EPS8L2: variants seen among roughly 807,000 people sequenced by gnomAD.
EPS8L2 encodes the protein EPS8 signaling adaptor L2.
EPS8L2 carries 81 observed loss-of-function variants against 99.4 expected under a neutral mutation model. The ratio of observed to expected loss-of-function variants is 0.82; its 90% CI spans 0.68 to 0.98. The LOEUF is 0.98. Ranked by LOEUF, EPS8L2 falls within the 50% of genes least tolerant of loss-of-function variation. The pLI, the probability that EPS8L2 is intolerant of heterozygous loss-of-function variation, is 0.00. For synonymous variants in EPS8L2, 509 were observed against 407.3 expected, an observed-to-expected ratio of 1.25 and a Z score of -3.01; for missense variants, 1,155 against 968.8, an observed-to-expected ratio of 1.19 and a Z score of -2.55.
Position 720,633 on chromosome 11 carries a change from C to T in EPS8L2, c.364C>T (p.Arg122Cys). ...AGACTTCCCGCTGCCCACGGTGCAGCGCAGCCAGACGGTCCTCAACCAGCT... is the reference window on the plus strand; with the variant it reads ...AGACTTCCCGCTGCCCACGGTGCAGTGCAGCCAGACGGTCCTCAACCAGCT... ...LEDFPLPTVQ[R>C]SQTVLNQLRY... Residue 122 changes from arginine to cysteine, a missense_variant, in exon 6 of 21, where the codon CGC becomes TGC. By Grantham distance (180) the Arg-to-Cys change is radical (BLOSUM62 -3). Transcript: ENST00000318562. 1.3e-6 allele frequency: 2 copies of T among 1,599,180 alleles called. No homozygotes were observed. Among genetic ancestry groups the T allele is most frequent in the East Asian group, 2.3e-5 (1 of 44,308 alleles).
intron 4 of EPS8L2, among the ~76,000 whole-genome samples, chr11:719,502 C>T (rs373095545): frequency 1.3e-5 from 2 of 152,214 alleles, no homozygotes; most frequent in Admixed American, 6.5e-5. Context: ...CAGGGATGGA[C>T]GCATCCCGCA....
chr11:719,912 TC>T, intron 4 of EPS8L2, 149 bp from the exon 5 acceptor site: 1 of 641,534 alleles, frequency 1.6e-6, no homozygotes, highest in Non-Finnish European at 2.7e-6. Flanking sequence ...GAATAGAGAC[TC>T]CCCCCACCAA....
chr11:709,083 G>C (rs1564968350), intron 1 of EPS8L2: 1 of 450,642 alleles, frequency 2.2e-6, no homozygotes, highest in Non-Finnish European at 4.0e-6. Context: ...CCTTGTCAGA[G>C]CCTCCCAGTC....
intron 4 of EPS8L2, among the ~76,000 whole-genome samples, chr11:711,253 CGTGT>C (rs71951923): frequency 0.29 from 41,411 of 144,026 alleles, 5,964 homozygotes; most frequent in Admixed American, 0.35. Flanking sequence ...TGCGTGTGTG[CGTGT>C]GTGCGTGCGT....
intron 8 of EPS8L2, 34 bp from the exon 9 acceptor site, chr11:721,251 G>A: frequency 5.2e-6 from 8 of 1,538,626 alleles, no homozygotes; most frequent in Non-Finnish European, 7.0e-6. Context: ...TCGTTGTGGG[G>A]GGCTCGGTGA....
chr11:720,151 G>A lies in EPS8L2; in HGVS notation c.255G>A (p.Glu85=). ...IRKLVQLSSK[E]KIWTQEMLLQ... ...AGCTGGTGCAGCTGAGCTCCAAGGA[G>A]AAGATCTGGACCCAGGAGATGCTGC... Residue 85 remains glutamate (E), a synonymous_variant, in exon 5 of 21, where the codon GAG becomes GAA. Coordinates refer to ENST00000318562, the MANE Select transcript of EPS8L2 (RefSeq NM_022772.4). 1.2e-6 allele frequency: 2 copies of A among 1,613,472 alleles called. No homozygotes were observed. Among genetic ancestry groups the A allele is most frequent in the Non-Finnish European group, 1.7e-6 (2 of 1,179,946 alleles).
chr11:721,012 G>A (rs935030375), intron 7 of EPS8L2, 52 bp from the exon 8 acceptor site: 1 of 1,496,558 alleles, frequency 6.7e-7, no homozygotes, highest in Non-Finnish European at 8.9e-7. Flanking sequence ...GGCAGGGAGG[G>A]AGGGTCAGGT....
chr11:719,381 G>A (rs887552269), intron 4 of EPS8L2, among the ~76,000 whole-genome samples: 3 of 152,248 alleles, frequency 2.0e-5, no homozygotes, highest in African/African-American at 7.2e-5. Context: ...CTTCGTGGGA[G>A]GGTTTTACTT....
intron 17 of EPS8L2, 88 bp from the exon 18 acceptor site, chr11:726,010 G>A: frequency 7.5e-7 from 1 of 1,328,118 alleles, no homozygotes; most frequent in Non-Finnish European, 1.0e-6. Context: ...CGGGGCTGTA[G>A]GGGGATTGGC....
rs544336226 is a variant in EPS8L2 at position 724,265 on chromosome 11, A to G, written c.1455-459A>G. Among the ~76,000 whole-genome samples, 5 of 152,124 alleles carry G rather than the reference A, an allele frequency of 3.3e-5. No homozygotes were observed. The South Asian group carries it at 1.0e-3, about 32-fold the overall frequency. ...GCTTTTGAGGTGCAGGTCCCACCCC[A>G]CAGAGAGGAGCTTGAGACCCGTCCT... On this transcript the variant is annotated intron_variant, in intron 15 of 20. Transcript: ENST00000318562. The surrounding 1 kb of genome is among the most constrained non-coding windows in gnomAD (Gnocchi z 5.5).
In EPS8L2 at chr11:723,286, A is replaced by G; in HGVS notation, c.1387A>G (p.Ser463Gly). The change falls in exon 15 of 21, where the codon AGC (serine) becomes GGC (glycine). Residue 463 changes from serine to glycine, a missense_variant. Physicochemically the swap from Ser to Gly is moderately conservative, Grantham distance 56 (BLOSUM62 0). Transcript: ENST00000318562. Reference sequence around the variant, plus strand: ...GTCCATAAGAAACTCCCAGAAGCACAGCCCCACTTCAGAGCCCACCCCCCC... The same window carrying G: ...GTCCATAAGAAACTCCCAGAAGCACGGCCCCACTTCAGAGCCCACCCCCCC... ...RQSIRNSQKH[S>G]PTSEPTPPGD... 2 of 1,606,200 alleles carry G rather than the reference A, an allele frequency of 1.2e-6. No individual in the cohort carries two copies. Among genetic ancestry groups the G allele is most frequent in the South Asian group, 2.2e-5 (2 of 90,026 alleles).
At chr11:714,304 A>C (rs1861962241) in intron 4 of EPS8L2, among the ~76,000 whole-genome samples, 1 of 148,780 alleles carries the variant, frequency 6.7e-6, no homozygotes. Flanking sequence ...ATCTTGGTTC[A>C]CTGCAACCTC....
intron 4 of EPS8L2, among the ~76,000 whole-genome samples, chr11:714,081 G>A (rs753567653): frequency 3.9e-5 from 6 of 152,142 alleles, no homozygotes; most frequent in Non-Finnish European, 5.9e-5. Context: ...ATGTCCATTC[G>A]TATGTGTTTT....
rs12283031 is a variant in EPS8L2, at chr11:709,567, G to A, written c.59G>A (p.Arg20Gln). 38,424 of 1,607,100 alleles carry A rather than the reference G, an allele frequency of 0.024. 599 individuals are homozygous for A. The highest frequency in any genetic ancestry group is 0.056 in the African/African-American group (4,177 of 74,684). ...CPGATNGSLG[R>Q]SDGVAKMSPK... ...CTCCCCTGCAGTGGCAGCCTGGGCCGGTCCGACGGTGTGGCCAAGATGAGC... is the reference window on the plus strand; with the variant it reads ...CTCCCCTGCAGTGGCAGCCTGGGCCAGTCCGACGGTGTGGCCAAGATGAGC... Residue 20 changes from arginine (R) to glutamine (Q), a missense_variant, in exon 3 of 21, where the codon CGG (arginine) becomes CAG (glutamine). Arg to Gln is a conservative substitution (Grantham distance 43). Transcript: ENST00000318562.
intron 4 of EPS8L2, among the ~76,000 whole-genome samples, chr11:719,814 T>C (rs1862109068): frequency 6.6e-6 from 1 of 152,040 alleles, no homozygotes; most frequent in Admixed American, 6.5e-5. Flanking sequence ...CGGGTGAGGA[T>C]GGTGGCGCGG....
chr11:715,045 A>C (rs746091345), intron 4 of EPS8L2, among the ~76,000 whole-genome samples: 1 of 152,116 alleles, frequency 6.6e-6, no homozygotes, highest in African/African-American at 2.4e-5. Context: ...GATCAAGACC[A>C]TTCTGGCTAA....
chr11:713,329 G>T (rs1861936944), intron 4 of EPS8L2, among the ~76,000 whole-genome samples: 1 of 152,214 alleles, frequency 6.6e-6, no homozygotes, highest in African/African-American at 2.4e-5. Flanking sequence ...CCCCGACCTT[G>T]GTGGCTACCC....
intron 18 of EPS8L2, 26 bp from the exon 19 acceptor site, chr11:726,278 C>T: frequency 6.3e-7 from 1 of 1,589,030 alleles, no homozygotes; most frequent in Non-Finnish European, 8.6e-7. Context: ...AAGGCAGCGG[C>T]GGGCCTGAGT....
Position 720,230 on chromosome 11 carries a change from C to T in EPS8L2, c.327+7C>T. ...GCTGGACATCGAGTCACAGGTGGGG[C>T]CCAGCGCCACGGGGGACAGGGAGCA... is the stretch of plus-strand genomic sequence containing the variant. On this transcript the variant is annotated splice_region_variant and intron_variant, in intron 5 of 20. Transcript: ENST00000318562. 7 of 1,612,526 alleles carry T rather than the reference C, an allele frequency of 4.3e-6. No individual in the cohort carries two copies. Among genetic ancestry groups the T allele is most frequent in the Non-Finnish European group, 5.9e-6 (7 of 1,179,630 alleles).
Sources: gnomAD v4.1 joint callset for allele counts (sites outside exome capture counted in the v4.1 genomes callset) on GRCh38, gnomAD v4.1.1 for gene constraint, Gnocchi (gnomAD v3.1) non-coding constraint, MANE v1.5 for transcripts, NCBI Gene and HGNC (gene_info 2026-07-23, HGNC 2026-07-21) for gene names.